SYCP1: variants seen among roughly 807,000 people sequenced by gnomAD.
SYCP1 encodes the protein synaptonemal complex protein 1.
SYCP1 carries 64 observed loss-of-function variants against 153.1 expected under a neutral mutation model. The ratio of observed to expected loss-of-function variants is 0.42; its 90% CI spans 0.34 to 0.51. The LOEUF (loss-of-function observed/expected upper bound fraction) is 0.51, where lower values mean the gene tolerates loss of function less well. Ranked by LOEUF, SYCP1 falls within the 20% of genes least tolerant of loss-of-function variation. SYCP1 has a pLI of 0.06. For synonymous variants in SYCP1, 384 were observed against 341.8 expected (o/e 1.12, Z -1.36); for missense variants, 997 against 1,049.0 (o/e 0.95, Z 0.68).
intron 3 of SYCP1, 49 bp from the exon 4 acceptor site, chr1:114,857,178 AGAAAG>A: frequency 1.5e-6 from 2 of 1,321,386 alleles, no homozygotes; most frequent in Non-Finnish European, 2.1e-6. Flanking sequence ...AAAAAAAAAA[AGAAAG>A]AGAAAAAGAT....
chr1:114,871,688 TCAG>T (rs1665138858), intron 8 of SYCP1, among the ~76,000 whole-genome samples: 1 of 152,128 alleles, frequency 6.6e-6, no homozygotes, highest in African/African-American at 2.4e-5. Context: ...TTCTCCTGCC[TCAG>T]CCTCCCGAGT....
chr1:114,859,073 CTG>C (rs1304401899), intron 6 of SYCP1, among the ~76,000 whole-genome samples: 3 of 151,834 alleles, frequency 2.0e-5, no homozygotes, highest in Non-Finnish European at 4.4e-5. Flanking sequence ...AAATTTGAAA[CTG>C]TGTAACTTTA....
chr1:114,967,248 T>G (rs942246869), intron 27 of SYCP1, among the ~76,000 whole-genome samples: 5 of 152,304 alleles, frequency 3.3e-5, no homozygotes, highest in African/African-American at 1.2e-4. Context: ...TCTGTCTCAT[T>G]CTTCTATCTA....
intron 23 of SYCP1, among the ~76,000 whole-genome samples, chr1:114,932,914 G>A (rs538910577): frequency 3.3e-5 from 5 of 152,334 alleles, no homozygotes; most frequent in Middle Eastern, 3.4e-3. Context: ...GAACTGGGTG[G>A]AACCCACTAC....
At chr1:114,978,615 T>TGTA in intron 28 of SYCP1, among the ~76,000 whole-genome samples, 2 of 151,826 alleles carry the variant, frequency 1.3e-5, no homozygotes, top group East Asian at 3.9e-4. Context: ...TATAGTGATA[T>TGTA]AATCTCCTAA....
chr1:114,900,317 G>T (rs1477191395), intron 16 of SYCP1, among the ~76,000 whole-genome samples: 1 of 151,536 alleles, frequency 6.6e-6, no homozygotes, highest in East Asian at 1.9e-4. Flanking sequence ...ATTTCGCTCT[G>T]TCACCCAGGC....
intron 14 of SYCP1, 97 bp downstream of exon 14, chr1:114,886,406 G>A: frequency 9.5e-7 from 1 of 1,058,184 alleles, no homozygotes; most frequent in Non-Finnish European, 1.3e-6. Context: ...CAACTGATGT[G>A]TGTAATTCAT....
chr1:114,910,481 G>A lies in SYCP1; in HGVS notation c.1405G>A (p.Gly469Ser). 1 of 1,584,490 alleles carries A rather than the reference G, an allele frequency of 6.3e-7. No homozygotes were observed. The highest frequency in any genetic ancestry group is 8.6e-7 in the Non-Finnish European group (1 of 1,167,314). The change falls in exon 17 of 32, where the codon GGT becomes AGT. Residue 469 changes from glycine to serine, a missense_variant. Around this residue, in one of 2 missense-constraint regions of SYCP1, gnomAD observed 712 missense variants for 682.9 expected, o/e 1.04. Coordinates refer to ENST00000369522, the MANE Select transcript of SYCP1 (RefSeq NM_003176.4). ...AAAAGGAACAGAACAAGAACTAATT[G>A]GTCTTCTCCAAGCCAGAGAGGTTTG... The part of the protein sequence containing the change: ...ELKGTEQELI[G>S]LLQAREKEVH...
chr1:114,994,555 C>T, intron 30 of SYCP1, 143 bp from the exon 31 acceptor site: 1 of 479,692 alleles, frequency 2.1e-6, no homozygotes, highest in Non-Finnish European at 3.5e-6. Flanking sequence ...CTTTCTCTTT[C>T]CTCCTCCCTT....
upstream of SYCP1, among the ~76,000 whole-genome samples, chr1:114,854,307 C>T (rs1370676199): frequency 6.6e-6 from 1 of 152,096 alleles, no homozygotes; most frequent in Non-Finnish European, 1.5e-5. Context: ...CCACACCCGG[C>T]TATTTTAGGA....
chr1:114,976,578 AAGATAC>A (rs11276726), intron 27 of SYCP1, among the ~76,000 whole-genome samples: 57,889 of 151,102 alleles, frequency 0.38, 12,220 homozygotes, highest in East Asian at 0.49. Flanking sequence ...TCTAGAAGCC[AAGATAC>A]ATATTCTGAG....
At chr1:114,918,638 C>CT (rs990939444) in intron 20 of SYCP1, among the ~76,000 whole-genome samples, 3 of 151,878 alleles carry the variant, frequency 2.0e-5, no homozygotes, top group African/African-American at 7.3e-5. Context: ...AGTGTCTTTC[C>CT]TTTTTTTGTG....
chr1:114,856,210 T>C (rs1210339205), intron 2 of SYCP1, among the ~76,000 whole-genome samples: 1 of 152,222 alleles, frequency 6.6e-6, no homozygotes, highest in African/African-American at 2.4e-5. Context: ...AATAATATAT[T>C]ATTAAATGCT....
At chr1:114,911,245 T>C (rs1668156114) in intron 17 of SYCP1, among the ~76,000 whole-genome samples, 1 of 152,082 alleles carries the variant, frequency 6.6e-6, no homozygotes, top group Non-Finnish European at 1.5e-5. Context: ...AGCATATAAA[T>C]GTTTTTCTGG....
At chr1:114,890,882 A>G (rs1441696025) in intron 15 of SYCP1, among the ~76,000 whole-genome samples, 3 of 152,156 alleles carry the variant, frequency 2.0e-5, no homozygotes, top group Non-Finnish European at 4.4e-5. Flanking sequence ...CCACAGATCT[A>G]GAACAGTTCA....
intron 27 of SYCP1, among the ~76,000 whole-genome samples, chr1:114,954,714 G>A (rs767150249): frequency 6.6e-6 from 1 of 152,018 alleles, no homozygotes; most frequent in African/African-American, 2.4e-5. Context: ...CCGAGCAGCT[G>A]GGACTACAGG....
At chr1:114,966,689 C>CTTTT (rs373044329) in intron 27 of SYCP1, among the ~76,000 whole-genome samples, 2 of 140,572 alleles carry the variant, frequency 1.4e-5, no homozygotes, top group Non-Finnish European at 1.6e-5. Flanking sequence ...TTCTTTCTTT[C>CTTTT]TTTTTTTTTT....
intron 23 of SYCP1, 100 bp downstream of exon 23, chr1:114,926,663 CCATAACAGTATCAA>C (rs1669274653): frequency 1.0e-6 from 1 of 990,076 alleles, no homozygotes; most frequent in African/African-American, 1.7e-5. Flanking sequence ...TCAATTTATA[CCATAACAGTATCAA>C]TTGAAAAGTT....
chr1:114,857,136 C>CAAGAAAAAA (rs1553183140), intron 3 of SYCP1, 96 bp from the exon 4 acceptor site: 249 of 245,110 alleles, frequency 1.0e-3, no homozygotes, highest in Non-Finnish European at 1.3e-3. Context: ...CTCTCTCTCT[C>CAAGAAAAAA]AAAAAAAAAA....
Sources: gnomAD v4.1 joint callset for allele counts (sites outside exome capture counted in the v4.1 genomes callset) on GRCh38, gnomAD v4.1.1 for gene constraint, gnomAD v4.1.1 regional missense constraint, MANE v1.5 for transcripts, NCBI Gene and HGNC (gene_info 2026-07-23, HGNC 2026-07-21) for gene names.